Variants in FAM151B observed in about 807,000 individuals in gnomAD.
FAM151B encodes family with sequence similarity 151 member B.
Under a neutral mutation model 31.2 loss-of-function variants are expected in FAM151B, and 24 were observed. That is an observed-to-expected ratio of 0.77 (90% CI 0.56 to 1.08). The LOEUF (loss-of-function observed/expected upper bound fraction) is 1.08, where lower values mean the gene tolerates loss of function less well. Among genes scored for constraint, FAM151B ranks in the 50% least tolerant of loss-of-function variants. The pLI, the probability that FAM151B is intolerant of heterozygous loss-of-function variation, is 0.00. For synonymous variants in FAM151B, 105 were observed against 111.4 expected (o/e 0.94, Z 0.36); for missense variants, 293 against 328.6 (o/e 0.89, Z 0.84).
At chr5:80,527,776 T>C (rs1047237857) in intron 5 of FAM151B, among the ~76,000 whole-genome samples, 18 of 152,240 alleles carry the variant, frequency 1.2e-4, no homozygotes, top group African/African-American at 4.3e-4. Flanking sequence ...ACAGCATTAC[T>C]GTACACTACT....
chr5:80,503,872 G>A (rs1191660571), intron 2 of FAM151B, among the ~76,000 whole-genome samples: 1 of 151,964 alleles, frequency 6.6e-6, no homozygotes, highest in African/African-American at 2.4e-5. Context: ...TCCTCTTGCT[G>A]TCCCTGTTAT....
intron 1 of FAM151B, chr5:80,499,815 T>C (rs1743677435): frequency 6.6e-6 from 1 of 151,870 alleles, no homozygotes; most frequent in African/African-American, 2.4e-5. Context: ...CCTAACTATT[T>C]TGTTATTATC....
intron 5 of FAM151B, among the ~76,000 whole-genome samples, chr5:80,532,885 G>T (rs950823063): frequency 6.6e-6 from 1 of 152,102 alleles, no homozygotes; most frequent in Non-Finnish European, 1.5e-5. Flanking sequence ...TAAACTATAT[G>T]CTCCTGAATG....
intron 1 of FAM151B, among the ~76,000 whole-genome samples, chr5:80,500,138 T>C (rs1165352231): frequency 6.6e-6 from 1 of 151,920 alleles, no homozygotes; most frequent in Non-Finnish European, 1.5e-5. Flanking sequence ...CTAAGTGAAA[T>C]AAGCCAGACA....
chr5:80,494,456 T>TTTCTTTCTTTTC (rs753640131), intron 1 of FAM151B, among the ~76,000 whole-genome samples: 1,598 of 82,588 alleles, frequency 0.019, 14 homozygotes, highest in East Asian at 0.026. Context: ...TCTTTCTTTC[T>TTTCTTTCTTTTC]TTTCTTTCTT....
At chr5:80,533,593 TACA>T (rs1745346569) in intron 5 of FAM151B, among the ~76,000 whole-genome samples, 1 of 150,022 alleles carries the variant, frequency 6.7e-6, no homozygotes, top group African/African-American at 2.5e-5. Context: ...CTACTAAAAA[TACA>T]ACAATTAACC....
intron 2 of FAM151B, among the ~76,000 whole-genome samples, chr5:80,504,053 TC>T (rs1170652506): frequency 6.6e-6 from 1 of 152,150 alleles, no homozygotes; most frequent in Non-Finnish European, 1.5e-5. Flanking sequence ...TTAATATTAG[TC>T]CATCCAACTG....
intron 5 of FAM151B, among the ~76,000 whole-genome samples, chr5:80,533,147 G>A (rs527412587): frequency 8.8e-4 from 134 of 152,200 alleles, no homozygotes; most frequent in South Asian, 1.7e-3. Context: ...GGAGGCTGAC[G>A]CGGGTGGATC....
Position 80,542,059 on chromosome 5 carries a change from A to G in FAM151B, c.*227A>G. 1 of 456,940 alleles carries G rather than the reference A, an allele frequency of 2.2e-6. No individual in the cohort carries two copies. Among genetic ancestry groups the G allele is most frequent in the Non-Finnish European group, 3.8e-6 (1 of 259,952 alleles). The allele number at this position is 456,940 out of a possible 1,614,324, so 28.3% of individuals were successfully genotyped here. Reference sequence around the variant, plus strand: ...TTTACACACGTGGCCTAGTCTAATAATAATTCAGGAAAATGATACTCTGCA... The same window carrying G: ...TTTACACACGTGGCCTAGTCTAATAGTAATTCAGGAAAATGATACTCTGCA... On this transcript the variant is annotated 3_prime_UTR_variant, in exon 6 of 6. Coordinates refer to ENST00000282226, the MANE Select transcript of FAM151B (RefSeq NM_205548.3).
At chr5:80,525,731 C>A (rs2112653035) in intron 5 of FAM151B, among the ~76,000 whole-genome samples, 1 of 152,146 alleles carries the variant, frequency 6.6e-6, no homozygotes, top group East Asian at 1.9e-4. Context: ...AGAAAAAAAA[C>A]ATACACCAGA....
At chr5:80,519,582 A>G in intron 3 of FAM151B, 111 bp from the exon 4 acceptor site, 1 of 856,178 alleles carries the variant, frequency 1.2e-6, no homozygotes, top group South Asian at 1.8e-5. Context: ...TAACCCAGAC[A>G]TTATTGTATT....
chr5:80,506,098 A>G (rs1743950048), intron 2 of FAM151B: 1 of 985,442 alleles, frequency 1.0e-6, no homozygotes, highest in Non-Finnish European at 1.2e-6. Context: ...TGCTCCATAC[A>G]AGCATATGGA....
At chr5:80,499,697 T>C (rs527711174) in intron 1 of FAM151B, among the ~76,000 whole-genome samples, 1 of 151,776 alleles carries the variant, frequency 6.6e-6, no homozygotes, top group Admixed American at 6.6e-5. Flanking sequence ...CTATCCTATA[T>C]GTCTACTAAT....
In FAM151B at chr5:80,511,400, A is replaced by G. The variant is rs139188046; in HGVS notation, c.152-2204A>G. 1.5e-3 allele frequency among the ~76,000 whole-genome samples: 214 copies of G among 147,398 alleles called. 2 individuals carry two copies. The highest frequency in any genetic ancestry group is 5.1e-3 in the African/African-American group (203 of 40,114). On this transcript the variant is annotated intron_variant, in intron 2 of 5. Transcript: ENST00000282226. ...GAGGCAGGAGGATCCCTGGAGCCCAAGAGTTTCAGGTTGCAATAGAGTGAG... is the reference window on the plus strand; with the variant it reads ...GAGGCAGGAGGATCCCTGGAGCCCAGGAGTTTCAGGTTGCAATAGAGTGAG...
intron 2 of FAM151B, among the ~76,000 whole-genome samples, chr5:80,504,781 G>A (rs1004928778): frequency 4.6e-5 from 7 of 152,214 alleles, no homozygotes; most frequent in African/African-American, 1.7e-4. Flanking sequence ...GCCTCCCAAA[G>A]TGCTGGGATT....
At chr5:80,507,856 G>T (rs761411221) in intron 2 of FAM151B, among the ~76,000 whole-genome samples, 127 of 152,284 alleles carry the variant, frequency 8.3e-4, no homozygotes, top group South Asian at 1.7e-3. Flanking sequence ...GCAGTGCCTT[G>T]CATGGCTACG....
chr5:80,539,454 T>C (rs761284615), intron 5 of FAM151B, among the ~76,000 whole-genome samples: 29 of 152,130 alleles, frequency 1.9e-4, no homozygotes, highest in Non-Finnish European at 3.7e-4. Context: ...TAATGGAGTT[T>C]TGTTTTTTTA....
chr5:80,508,367 G>A (rs964607814), intron 2 of FAM151B, among the ~76,000 whole-genome samples: 3 of 151,918 alleles, frequency 2.0e-5, no homozygotes, highest in African/African-American at 7.3e-5. Context: ...CAAAGTGCCT[G>A]CTCCTTTTTA....
At chr5:80,500,526 G>C (rs1743703244) in intron 1 of FAM151B, 1 of 759,270 alleles carries the variant, frequency 1.3e-6, no homozygotes, top group African/African-American at 1.7e-5. Flanking sequence ...CAGATATACA[G>C]AACTGAATTT....
Sources: gnomAD v4.1 joint callset for allele counts (sites outside exome capture counted in the v4.1 genomes callset) on GRCh38, gnomAD v4.1.1 for gene constraint, MANE v1.5 for transcripts, NCBI Gene and HGNC (gene_info 2026-07-23, HGNC 2026-07-21) for gene names.